The following MAPKAPK5 variants were observed in gnomAD, a reference collection of about 807,000 sequenced individuals.
MAPKAPK5 encodes the protein MAP kinase-activated protein kinase 5.
Under a neutral mutation model 65.1 loss-of-function variants are expected in MAPKAPK5, and 30 were observed. That is an observed-to-expected ratio of 0.46 (90% CI 0.34 to 0.63). The LOEUF (loss-of-function observed/expected upper bound fraction) is 0.63, where lower values mean the gene tolerates loss of function less well. Ranked by LOEUF, MAPKAPK5 falls within the 20% of genes least tolerant of loss-of-function variation. The pLI is 0.01. For missense variants in MAPKAPK5, 433 were observed against 581.4 expected, an observed-to-expected ratio of 0.74 and a Z score of 2.63; for synonymous variants, 179 against 204.6, an observed-to-expected ratio of 0.87 and a Z score of 1.07.
intron 13 of MAPKAPK5, among the ~76,000 whole-genome samples, chr12:111,892,576 A>T (rs1174192941): frequency 3.9e-5 from 6 of 152,222 alleles, no homozygotes; most frequent in African/African-American, 1.4e-4. Context: ...TTTATGGGCC[A>T]GTTAGATTTC....
chr12:111,885,771 G>A, intron 9 of MAPKAPK5, 145 bp from the exon 10 acceptor site: 1 of 956,668 alleles, frequency 1.0e-6, no homozygotes, highest in East Asian at 2.6e-5. Flanking sequence ...TTGGAGACTA[G>A]AATCCCATCT....
Position 111,871,283 on chromosome 12 carries a change from G to A in MAPKAPK5, c.579+103G>A, listed in dbSNP as rs905706691. 3.5e-6 allele frequency: 3 copies of A among 863,944 alleles called. No individual in the cohort carries two copies. In the East Asian group the frequency reaches 7.8e-5, roughly 22 times the overall value. 53.5% of individuals were successfully genotyped at this position (863,944 alleles called of 1,614,324 possible). A position where few individuals can be genotyped will look rare whatever the true frequency, so the allele number is the denominator to read the frequency against. ...AAGTAGGCATATATTACAGATGGGA[G>A]GGGGAGAACTTAGCTTTAGAAACCT... On this transcript the variant is annotated intron_variant, in intron 7 of 13. Coordinates refer to ENST00000550735, the MANE Select transcript of MAPKAPK5 (RefSeq NM_003668.4).
intron 1 of MAPKAPK5, chr12:111,843,475 C>G (rs1341320860): frequency 2.6e-6 from 1 of 389,490 alleles, no homozygotes; most frequent in African/African-American, 2.1e-5. Flanking sequence ...CACTCAGGGC[C>G]AGTTATCTGT....
At position 111,900,914 on chromosome 12, in the gene MAPKAPK5, A is replaced by G. The variant is rs993349513; in HGVS notation, c.*7853A>G. On this transcript the variant is annotated 3_prime_UTR_variant, in exon 14 of 14. Coordinates refer to ENST00000550735, the MANE Select transcript of MAPKAPK5 (RefSeq NM_003668.4). Reference sequence around the variant, plus strand: ...AATTATATGGATATGGTGCAAAATCAGCCTCACAAGAGTGTTACAATTCAA... The same window carrying G: ...AATTATATGGATATGGTGCAAAATCGGCCTCACAAGAGTGTTACAATTCAA... The G allele has an allele frequency of 8.9e-6, 4 of 451,776 alleles. No individual in the cohort carries two copies. Among genetic ancestry groups the G allele is most frequent in the East Asian group, 1.4e-4 (2 of 14,228 alleles). 28.0% of individuals were successfully genotyped at this position (451,776 alleles called of 1,614,324 possible). A position where few individuals can be genotyped will look rare whatever the true frequency, so the allele number is the denominator to read the frequency against.
intron 12 of MAPKAPK5, chr12:111,889,407 T>C (rs1198178554): frequency 5.6e-6 from 1 of 177,306 alleles, no homozygotes; most frequent in Non-Finnish European, 1.2e-5. Context: ...AAGGCTGCCA[T>C]TAGCTCATAA....
At chr12:111,870,157 A>G (rs1315190181) in intron 5 of MAPKAPK5, 114 bp from the exon 6 acceptor site, 13 of 538,084 alleles carry the variant, frequency 2.4e-5, no homozygotes, top group Admixed American at 3.5e-5. Context: ...TAAAATTGAA[A>G]GTGAACGCAG....
chr12:111,893,271 G>A lies in MAPKAPK5; in HGVS notation c.*210G>A, dbSNP rs1382966300. 3.9e-6 allele frequency: 1 copy of A among 255,274 alleles called. No individual in the cohort carries two copies. The highest frequency in any genetic ancestry group is 2.2e-5 in the African/African-American group (1 of 44,614). The allele number at this position is 255,274 out of a possible 1,614,324, so 15.8% of individuals were successfully genotyped here. On this transcript the variant is annotated 3_prime_UTR_variant, in exon 14 of 14. Coordinates refer to ENST00000550735, the MANE Select transcript of MAPKAPK5 (RefSeq NM_003668.4). ...AGAGACATACTATTACTTTAGGACT[G>A]TGTAGTTGTATATTTGTAAGATGAC... is the stretch of plus-strand genomic sequence containing the variant.
chr12:111,850,089 C>T (rs1253294454), intron 1 of MAPKAPK5, among the ~76,000 whole-genome samples: 3 of 151,744 alleles, frequency 2.0e-5, no homozygotes, highest in Non-Finnish European at 2.9e-5. Flanking sequence ...AGTGTAGTGG[C>T]GTGATCTTGG....
At chr12:111,873,251 C>G (rs1218478596) in intron 7 of MAPKAPK5, among the ~76,000 whole-genome samples, 1 of 152,092 alleles carries the variant, frequency 6.6e-6, no homozygotes, top group Non-Finnish European at 1.5e-5. Context: ...CAAGTTGTTG[C>G]AGCATCATTG....
chr12:111,885,138 A>G (rs1207990992), intron 9 of MAPKAPK5, among the ~76,000 whole-genome samples: 22 of 152,226 alleles, frequency 1.4e-4, no homozygotes. Flanking sequence ...GATCTTCCAG[A>G]TAATCCTTTC....
Position 111,858,821 on chromosome 12 carries a change from G to T in MAPKAPK5, c.37-6429G>T, listed in dbSNP as rs113684917. Among the ~76,000 whole-genome samples the T allele has an allele frequency of 6.1e-5, 9 of 146,526 alleles. 2 individuals carry two copies. The highest frequency in any genetic ancestry group is 2.3e-4 in the South Asian group (1 of 4,420). ...CTCCTAAAGTGCTGGGATTACAGGC[G>T]TGAGCCACCGTGCTCAGCCTGTTGA... On this transcript the variant is annotated intron_variant, in intron 1 of 13. Coordinates refer to ENST00000550735, the MANE Select transcript of MAPKAPK5 (RefSeq NM_003668.4).
At chr12:111,878,572 A>G (rs1420117065) in intron 7 of MAPKAPK5, among the ~76,000 whole-genome samples, 1 of 152,060 alleles carries the variant, frequency 6.6e-6, no homozygotes, top group Non-Finnish European at 1.5e-5. Flanking sequence ...GGCACCTGCC[A>G]CTACGCCCGG....
intron 13 of MAPKAPK5, among the ~76,000 whole-genome samples, chr12:111,891,214 C>G (rs565894423): frequency 5.8e-4 from 88 of 151,808 alleles, no homozygotes; most frequent in Non-Finnish European, 9.7e-4. Context: ...CCACCCCAGC[C>G]TCCCAAGGAA....
rs2070782073 is a variant in MAPKAPK5, at chr12:111,895,630, AAG to A, written c.*2570_*2571del. ...ACTGCAACCTCTGCCTCCCAGGTTCAAGCGATTCTCGTGCCTCAGACTTCCAA... is the reference window on the plus strand; with the variant it reads ...ACTGCAACCTCTGCCTCCCAGGTTCACGATTCTCGTGCCTCAGACTTCCAA... On this transcript the variant is annotated 3_prime_UTR_variant, in exon 14 of 14. Coordinates refer to ENST00000550735, the MANE Select transcript of MAPKAPK5 (RefSeq NM_003668.4). 6.8e-6 allele frequency: 1 copy of A among 147,728 alleles called. No individual in the cohort carries two copies. The highest frequency in any genetic ancestry group is 1.5e-5 in the Non-Finnish European group (1 of 67,700). 9.2% of individuals were successfully genotyped at this position (147,728 alleles called of 1,614,324 possible).
At chr12:111,843,865 T>C (rs1442329220) in intron 1 of MAPKAPK5, among the ~76,000 whole-genome samples, 2 of 152,198 alleles carry the variant, frequency 1.3e-5, no homozygotes, top group Non-Finnish European at 2.9e-5. Context: ...CAGGCTGGAG[T>C]GCAGTGGCCC....
At chr12:111,845,113 C>G (rs2068865456) in intron 1 of MAPKAPK5, among the ~76,000 whole-genome samples, 1 of 151,978 alleles carries the variant, frequency 6.6e-6, no homozygotes, top group African/African-American at 2.4e-5. Context: ...TAGGTAGACT[C>G]AGTTGAAATC....
chr12:111,842,668 C>T lies in MAPKAPK5; in HGVS notation c.-66C>T, dbSNP rs948635950. ...CCGAGTGCCGAGCCCTTTGCTCCCT[C>T]GGCCGCGCGGGGACAGGGCTGCTGA... is the stretch of plus-strand genomic sequence containing the variant. On this transcript the variant is annotated 5_prime_UTR_variant, in exon 1 of 14. Coordinates refer to ENST00000550735, the MANE Select transcript of MAPKAPK5 (RefSeq NM_003668.4). 84 of 1,260,566 alleles carry T rather than the reference C, an allele frequency of 6.7e-5. No homozygotes were observed. Among genetic ancestry groups the T allele is most frequent in the Non-Finnish European group, 8.2e-5 (80 of 979,728 alleles). The allele number at this position is 1,260,566 out of a possible 1,614,324, so 78.1% of individuals were successfully genotyped here.
chr12:111,856,413 T>C (rs1190245089), intron 1 of MAPKAPK5, among the ~76,000 whole-genome samples: 1 of 150,376 alleles, frequency 6.6e-6, no homozygotes, highest in African/African-American at 2.4e-5. Flanking sequence ...TTCTTTCTTT[T>C]TTTTTTTTTT....
At chr12:111,849,070 T>G (rs2068989829) in intron 1 of MAPKAPK5, among the ~76,000 whole-genome samples, 1 of 151,786 alleles carries the variant, frequency 6.6e-6, no homozygotes, top group South Asian at 2.1e-4. Flanking sequence ...AGCCTAAAAT[T>G]GATTTCTTTG....
Sources: allele counts gnomAD v4.1 joint callset (sites outside exome capture counted in the v4.1 genomes callset), GRCh38; gene constraint gnomAD v4.1.1; transcripts MANE v1.5; gene names NCBI Gene and HGNC (gene_info 2026-07-23, HGNC 2026-07-21).